The following CDKN2B-AS1 variants were observed in gnomAD, a reference collection of about 807,000 sequenced individuals.
CDKN2B-AS1 encodes CDKN2B and CDKN2A antisense cis and trans regulatory RNA 1, also known as CDKN2B antisense RNA 1 (non-protein coding).
Position 22,094,966 on chromosome 9 carries a change from A to G in CDKN2B-AS1, n.439-32137A>G, listed in dbSNP as rs770454185. On this transcript the variant is annotated intron_variant and non_coding_transcript_variant, in intron 4 of 4. Coordinates refer to ENST00000650946, the Ensembl canonical transcript of CDKN2B-AS1. Reference sequence around the variant, plus strand: ...TTTTATCTACCTTTGGTGTTTGATGATGGTGACGTACAGATGGGGTTTTGG... The same window carrying G: ...TTTTATCTACCTTTGGTGTTTGATGGTGGTGACGTACAGATGGGGTTTTGG... Among the ~76,000 whole-genome samples, 31 of 144,184 alleles carry G rather than the reference A, an allele frequency of 2.2e-4. 2 individuals are homozygous for G. Among genetic ancestry groups the G allele is most frequent in the Admixed American group, 4.7e-4 (7 of 14,894 alleles). The allele number at this position is 144,184 out of a possible 152,430, so 94.6% of individuals were successfully genotyped here.
At position 22,039,891 on chromosome 9, in the gene CDKN2B-AS1, C is replaced by T. The variant is rs992606674; in HGVS notation, n.30-6860C>T. Among the ~76,000 whole-genome samples the T allele has an allele frequency of 1.3e-4, 19 of 151,936 alleles. No individual in the cohort carries two copies. Among genetic ancestry groups the T allele is most frequent in the Admixed American group, 3.3e-4 (5 of 15,238 alleles). ...ATTGCAAATATAATTAGTTAAGATG[C>T]GATCTTACTGACATAGGAGAAGCTC... On this transcript the variant is annotated intron_variant and non_coding_transcript_variant, in intron 1 of 4. Coordinates refer to ENST00000650946, the Ensembl canonical transcript of CDKN2B-AS1. The surrounding 1 kb of genome is among the most constrained non-coding windows in gnomAD (Gnocchi z 4.4).
At chr9:22,017,599 A>G (rs534482669) in intron 1 of CDKN2B-AS1, among the ~76,000 whole-genome samples, 6 of 152,326 alleles carry the variant, frequency 3.9e-5, no homozygotes, top group Admixed American at 1.3e-4. Context: ...CAGACACCCC[A>G]TTTTGAAAAC....
At chr9:22,025,266 G>T (rs1407334692) in intron 1 of CDKN2B-AS1, among the ~76,000 whole-genome samples, 2 of 152,194 alleles carry the variant, frequency 1.3e-5, no homozygotes, top group Non-Finnish European at 2.9e-5. Flanking sequence ...AGCAGCTGGG[G>T]GGTGGGGTGG....
At chr9:22,062,894 C>T (rs1354895866) in intron 4 of CDKN2B-AS1, among the ~76,000 whole-genome samples, 1 of 151,090 alleles carries the variant, frequency 6.6e-6, no homozygotes, top group African/African-American at 2.4e-5. Flanking sequence ...AAGTTGACTA[C>T]CTTTGTTTCT....
chr9:22,081,490 GTTC>G (rs1484430849), intron 4 of CDKN2B-AS1, among the ~76,000 whole-genome samples: 3 of 152,140 alleles, frequency 2.0e-5, no homozygotes, highest in African/African-American at 7.2e-5. Flanking sequence ...AGTCACCTAA[GTTC>G]TTCTCTACTC....
chr9:22,097,773 T>C (rs953374950), intron 4 of CDKN2B-AS1, among the ~76,000 whole-genome samples: 62 of 152,338 alleles, frequency 4.1e-4, no homozygotes, highest in African/African-American at 1.4e-3. Context: ...TGTTTGTGCT[T>C]TCTGCTGCAT....
intron 3 of CDKN2B-AS1, chr9:22,049,263 C>T (rs1823236126): frequency 6.6e-6 from 1 of 152,014 alleles, no homozygotes; most frequent in Non-Finnish European, 1.5e-5. Flanking sequence ...AGATATGAAC[C>T]CTAATTGAAT....
chr9:22,018,191 T>G (rs546647381), intron 1 of CDKN2B-AS1, among the ~76,000 whole-genome samples: 2 of 150,752 alleles, frequency 1.3e-5, no homozygotes, highest in Non-Finnish European at 3.0e-5. Flanking sequence ...GGGGGTGGTG[T>G]CAGGCACCTG....
chr9:22,061,956 T>G (rs1823840546), intron 4 of CDKN2B-AS1: 1 of 152,220 alleles, frequency 6.6e-6, no homozygotes, highest in African/African-American at 2.4e-5. Flanking sequence ...TTATCAGATA[T>G]GACACATTCA....
In CDKN2B-AS1 at chr9:22,005,137, T is replaced by TGC. The variant is rs1821103552; in HGVS notation, n.29+9977_29+9978insCG. 3 of 232,916 alleles carry TGC rather than the reference T, an allele frequency of 1.3e-5. No individual in the cohort carries two copies. Among genetic ancestry groups the TGC allele is most frequent in the African/African-American group, 4.4e-5 (2 of 45,224 alleles). 14.4% of individuals were successfully genotyped at this position (232,916 alleles called of 1,614,324 possible). On this transcript the variant is annotated intron_variant and non_coding_transcript_variant, in intron 1 of 4. Coordinates refer to ENST00000650946, the Ensembl canonical transcript of CDKN2B-AS1. This position sits in a 1 kb window ranked among gnomAD's most constrained non-coding sequence, Gnocchi z 4.9. The stretch of plus-strand genomic sequence containing the variant: ...ATGTGTGTGTGTGTGTGTGTGTGTG[T>TGC]GTGTGAAAGAAAACGTTACAGTTAA...
intron 1 of CDKN2B-AS1, among the ~76,000 whole-genome samples, chr9:22,035,368 C>A (rs577068272): frequency 1.4e-5 from 2 of 147,848 alleles, no homozygotes; most frequent in Non-Finnish European, 3.0e-5. Context: ...TATTGCTTTA[C>A]TTCAAGTTCT....
intron 1 of CDKN2B-AS1, among the ~76,000 whole-genome samples, chr9:22,012,776 T>C (rs182230710): frequency 6.7e-6 from 1 of 148,806 alleles, no homozygotes; most frequent in Non-Finnish European, 1.5e-5. Context: ...TTGGGGCTTT[T>C]TCAAATTTTT....
Position 22,005,787 on chromosome 9 carries a change from C to T in CDKN2B-AS1, n.29+10626C>T, listed in dbSNP as rs1337206685. The T allele has an allele frequency of 6.8e-5, 45 of 664,276 alleles. No homozygotes were observed. The East Asian group carries it at 1.0e-3, about 15-fold the overall frequency. The allele number at this position is 664,276 out of a possible 1,614,324, so 41.1% of individuals were successfully genotyped here. A position where few individuals can be genotyped will look rare whatever the true frequency, so the allele number is the denominator to read the frequency against. ...CTGTGTTTCGCTTCATGGTGAGTGT[C>T]GAGGGCCAGATAAGACAAAGAAAAA... On this transcript the variant is annotated intron_variant and non_coding_transcript_variant, in intron 1 of 4. Coordinates refer to ENST00000650946, the Ensembl canonical transcript of CDKN2B-AS1. The surrounding 1 kb of genome is among the most constrained non-coding windows in gnomAD (Gnocchi z 4.9).
chr9:22,048,819 TTGGTGGC>T (rs1823216758), intron 2 of CDKN2B-AS1, among the ~76,000 whole-genome samples: 1 of 152,184 alleles, frequency 6.6e-6, no homozygotes, highest in African/African-American at 2.4e-5. Flanking sequence ...CCTTGTCATG[TTGGTGGC>T]TGTTTTGACA....
intron 1 of CDKN2B-AS1, among the ~76,000 whole-genome samples, chr9:22,023,798 C>T (rs1255782321): frequency 1.3e-5 from 2 of 152,176 alleles, no homozygotes; most frequent in African/African-American, 2.4e-5. Flanking sequence ...CAGTTACATT[C>T]TTCTGTATTC....
In CDKN2B-AS1 at chr9:22,097,868, A is replaced by T. The variant is rs1353392343; in HGVS notation, n.439-29235A>T. On this transcript the variant is annotated intron_variant and non_coding_transcript_variant, in intron 4 of 4. Transcript: ENST00000650946. ...GCAATTTCTTTGACCCTGGCCTGAT[A>T]TAAAAGGCAAACTTGGTTTTTCACT... Among the ~76,000 whole-genome samples the T allele has an allele frequency of 2.6e-5, 4 of 152,344 alleles. No individual in the cohort carries two copies. The East Asian group carries it at 7.7e-4, about 29-fold the overall frequency.
At chr9:22,025,083 C>A (rs1175844672) in intron 1 of CDKN2B-AS1, among the ~76,000 whole-genome samples, 1 of 152,220 alleles carries the variant, frequency 6.6e-6, no homozygotes, top group Non-Finnish European at 1.5e-5. Context: ...TGTAGACACT[C>A]CTGCACTAAA....
intron 4 of CDKN2B-AS1, among the ~76,000 whole-genome samples, chr9:22,072,301 C>T (rs1465179754): frequency 3.3e-5 from 5 of 152,116 alleles, no homozygotes; most frequent in African/African-American, 7.2e-5. Flanking sequence ...ATTTGATTCA[C>T]GAAAGTAAGT....
At chr9:22,089,208 G>C (rs1824975015) in intron 4 of CDKN2B-AS1, among the ~76,000 whole-genome samples, 1 of 152,028 alleles carries the variant, frequency 6.6e-6, no homozygotes. Context: ...TCAACTGTAG[G>C]ACTAACACAT....
Sources: allele counts gnomAD v4.1 joint callset (sites outside exome capture counted in the v4.1 genomes callset), GRCh38; gene constraint gnomAD v4.1.1; non-coding constraint Gnocchi (gnomAD v3.1); transcripts MANE v1.5; gene names NCBI Gene and HGNC (gene_info 2026-07-23, HGNC 2026-07-21).